Variants in GPC5 observed in about 807,000 individuals in gnomAD.
GPC5 encodes the protein glypican-5.
A neutral mutation model predicts 53.9 loss-of-function variants in GPC5; 47 were observed. The ratio of observed to expected loss-of-function variants is 0.87; its 90% CI spans 0.69 to 1.11. GPC5 has a LOEUF of 1.11. GPC5 is among the 50% of genes most tolerant of loss of function. The pLI is 0.00. For synonymous variants in GPC5, 286 were observed against 263.3 expected (o/e 1.09, Z -0.84); for missense variants, 748 against 713.1 (o/e 1.05, Z -0.56).
At chr13:92,212,629 C>T (rs1199115626) in intron 7 of GPC5, among the ~76,000 whole-genome samples, 3 of 152,126 alleles carry the variant, frequency 2.0e-5, no homozygotes, top group Non-Finnish European at 4.4e-5. Flanking sequence ...ATGAATTTTC[C>T]TTTGCTTATT....
At chr13:91,462,578 C>T (rs1162543341) in intron 2 of GPC5, among the ~76,000 whole-genome samples, 1 of 152,054 alleles carries the variant, frequency 6.6e-6, no homozygotes, top group East Asian at 1.9e-4. Flanking sequence ...TGTGAAATAT[C>T]GTTGCGTATC....
intron 6 of GPC5, among the ~76,000 whole-genome samples, chr13:91,928,921 C>T (rs966129672): frequency 5.3e-5 from 8 of 152,132 alleles, no homozygotes; most frequent in African/African-American, 1.9e-4. Context: ...AAAATTTTTA[C>T]TCCAGAGAAA....
chr13:92,320,084 C>A (rs935571289), intron 7 of GPC5, among the ~76,000 whole-genome samples: 1 of 151,946 alleles, frequency 6.6e-6, no homozygotes, highest in Non-Finnish European at 1.5e-5. Flanking sequence ...ACAACAAATT[C>A]TCTGGTAGTC....
rs560090504 is a variant in GPC5 at position 91,728,616 on chromosome 13, A to G, written c.1105A>G (p.Met369Val). 6.2e-6 allele frequency: 10 copies of G among 1,613,548 alleles called. No individual in the cohort carries two copies. The African/African-American group carries it at 1.3e-4, about 22-fold the overall frequency. ...TGATCAGAGCAAAGAGAAGCATGGA[A>G]TGAAGACCACCACAAGGAACAGTGA... is the stretch of plus-strand genomic sequence containing the variant. ...SFDQSKEKHG[M>V]KTTTRNSEET... is the part of the protein sequence containing the mutation. The change falls in exon 4 of 8, where the codon ATG becomes GTG. Residue 369 changes from methionine (M) to valine (V), a missense_variant. Physicochemically the swap from Met to Val is conservative, Grantham distance 21. Coordinates refer to ENST00000377067, the MANE Select transcript of GPC5 (RefSeq NM_004466.6).
chr13:91,445,811 T>C (rs528020870), intron 1 of GPC5, among the ~76,000 whole-genome samples: 49 of 152,248 alleles, frequency 3.2e-4, no homozygotes, highest in African/African-American at 1.1e-3. Flanking sequence ...GAATTTCCCA[T>C]TTAATATTTT....
At chr13:92,051,496 G>A (rs532782280) in intron 6 of GPC5, among the ~76,000 whole-genome samples, 6 of 152,152 alleles carry the variant, frequency 3.9e-5, no homozygotes, top group South Asian at 2.1e-4. Flanking sequence ...TACTGCACCC[G>A]GACGAGACTG....
intron 6 of GPC5, among the ~76,000 whole-genome samples, chr13:92,047,300 T>G (rs1015385574): frequency 6.6e-6 from 1 of 152,126 alleles, no homozygotes; most frequent in African/African-American, 2.4e-5. Flanking sequence ...AATTCTCAGT[T>G]GGATGGCATG....
intron 2 of GPC5, among the ~76,000 whole-genome samples, chr13:91,502,273 G>T (rs576897792): frequency 0.019 from 2,866 of 152,034 alleles, 87 homozygotes; most frequent in African/African-American, 0.065. Flanking sequence ...GTCAATTTTG[G>T]CTTTTGTTGC....
intron 7 of GPC5, among the ~76,000 whole-genome samples, chr13:92,338,586 A>G (rs1279192290): frequency 6.6e-6 from 1 of 152,138 alleles, no homozygotes; most frequent in Non-Finnish European, 1.5e-5. Context: ...TGAGCTGTCA[A>G]GCCATGGAAA....
At chr13:92,746,137 C>G (rs1889237231) in intron 7 of GPC5, among the ~76,000 whole-genome samples, 1 of 152,154 alleles carries the variant, frequency 6.6e-6, no homozygotes, top group South Asian at 2.1e-4. Context: ...GTCATTCCCT[C>G]AAAATGGAGT....
intron 6 of GPC5, among the ~76,000 whole-genome samples, chr13:91,951,967 G>T (rs937414036): frequency 1.3e-5 from 2 of 152,060 alleles, no homozygotes. Flanking sequence ...ATAAGTAAAT[G>T]GGTAAAGCTG....
chr13:92,525,924 G>C (rs1881263925), intron 7 of GPC5, among the ~76,000 whole-genome samples: 2 of 152,058 alleles, frequency 1.3e-5, no homozygotes, highest in Non-Finnish European at 2.9e-5. Flanking sequence ...GTTAAGCATT[G>C]AATGTCTCTT....
intron 2 of GPC5, among the ~76,000 whole-genome samples, chr13:91,594,505 T>C (rs1415199992): frequency 6.6e-6 from 1 of 152,224 alleles, no homozygotes; most frequent in East Asian, 1.9e-4. Context: ...GATCTGTTAT[T>C]TGGTTGATAA....
At chr13:92,074,020 C>A (rs1489356254) in intron 6 of GPC5, among the ~76,000 whole-genome samples, 2 of 152,238 alleles carry the variant, frequency 1.3e-5, no homozygotes, top group East Asian at 3.9e-4. Flanking sequence ...CTTCTGTTCC[C>A]TTTTTTTCCT....
intron 7 of GPC5, among the ~76,000 whole-genome samples, chr13:92,667,253 C>T (rs1475355687): frequency 1.3e-5 from 2 of 151,902 alleles, no homozygotes; most frequent in African/African-American, 4.8e-5. Flanking sequence ...GTTGGTGTTT[C>T]CAAAATGAAG....
intron 2 of GPC5, among the ~76,000 whole-genome samples, chr13:91,647,642 G>T (rs1390581816): frequency 4.6e-5 from 7 of 152,178 alleles, no homozygotes; most frequent in Admixed American, 1.3e-4. Context: ...TTGGCTCCAG[G>T]CTGCCCTTAC....
chr13:91,705,696 C>G (rs555925615), intron 3 of GPC5, among the ~76,000 whole-genome samples: 2 of 147,382 alleles, frequency 1.4e-5, no homozygotes, highest in South Asian at 4.5e-4. Context: ...TAAAAACACC[C>G]CCCCCCCCAT....
At chr13:92,254,623 T>C (rs1566505988) in intron 7 of GPC5, among the ~76,000 whole-genome samples, 1 of 152,146 alleles carries the variant, frequency 6.6e-6, no homozygotes, top group Non-Finnish European at 1.5e-5. Flanking sequence ...GAGTAATTTA[T>C]AAAGGAAAGA....
intron 5 of GPC5, among the ~76,000 whole-genome samples, chr13:91,792,537 G>A (rs148996232): frequency 5.2e-4 from 79 of 152,256 alleles, no homozygotes; most frequent in Non-Finnish European, 7.8e-4. Flanking sequence ...GACCCATGTA[G>A]TTTGGCTATG....
Sources: allele counts gnomAD v4.1 joint callset (sites outside exome capture counted in the v4.1 genomes callset), GRCh38; gene constraint gnomAD v4.1.1; transcripts MANE v1.5; gene names NCBI Gene and HGNC (gene_info 2026-07-23, HGNC 2026-07-21).